The following ANKRD44 variants were observed in gnomAD, a reference collection of about 807,000 sequenced individuals.
ANKRD44 encodes ankyrin repeat domain 44.
Under a neutral mutation model 116.0 loss-of-function variants are expected in ANKRD44, and 35 were observed. The ratio of observed to expected loss-of-function variants is 0.30; its 90% CI spans 0.23 to 0.40. The LOEUF is 0.40. Among genes scored for constraint, ANKRD44 ranks in the 10% least tolerant of loss-of-function variants. The pLI, the probability that ANKRD44 is intolerant of heterozygous loss-of-function variation, is 1.00. For synonymous variants in ANKRD44, 435 were observed against 461.8 expected (o/e 0.94, Z 0.74); for missense variants, 1,014 against 1,242.6 (o/e 0.82, Z 2.77).
intron 2 of ANKRD44, among the ~76,000 whole-genome samples, chr2:197,169,542 C>A (rs1052069322): frequency 1.3e-5 from 2 of 152,172 alleles, no homozygotes; most frequent in African/African-American, 4.8e-5. Flanking sequence ...TACTATGTAG[C>A]AGTGGATTGT....
intron 1 of ANKRD44, among the ~76,000 whole-genome samples, chr2:197,309,571 T>C (rs2084177649): frequency 6.6e-6 from 1 of 152,158 alleles, no homozygotes; most frequent in Non-Finnish European, 1.5e-5. Flanking sequence ...AGGTATTTAA[T>C]ACCAAGGGCT....
chr2:197,117,326 G>A (rs181145782), intron 8 of ANKRD44, among the ~76,000 whole-genome samples: 79 of 152,142 alleles, frequency 5.2e-4, no homozygotes, highest in Middle Eastern at 3.4e-3. Context: ...TGCAACCTAC[G>A]CCTCTCAGAT....
intron 1 of ANKRD44, among the ~76,000 whole-genome samples, chr2:197,274,002 T>TAGATATAG (rs58538782): frequency 1.5e-5 from 1 of 64,920 alleles, no homozygotes; most frequent in Non-Finnish European, 2.7e-5. Flanking sequence ...TATATATATA[T>TAGATATAG]ATATATATAT....
rs185989945 is a variant in ANKRD44 at position 197,150,505 on chromosome 2, C to T, written c.112-3400G>A. ...CGGAGCTTGCAGTGAGCCAAGATCG[C>T]GCCACTGCACTCTAGCCTGGGTGAC... On this transcript the variant is annotated intron_variant, in intron 2 of 27. Coordinates refer to ENST00000282272, the MANE Select transcript of ANKRD44 (RefSeq NM_001195144.2). Among the ~76,000 whole-genome samples the T allele has an allele frequency of 1.6e-4, 24 of 151,896 alleles. No individual in the cohort carries two copies. In the South Asian group the frequency reaches 1.9e-3, roughly 12 times the overall value.
chr2:197,307,995 C>T, intron 1 of ANKRD44, among the ~76,000 whole-genome samples: 1 of 152,120 alleles, frequency 6.6e-6, no homozygotes, highest in Non-Finnish European at 1.5e-5. Flanking sequence ...CATGGCGAAA[C>T]TCTGTGTCTA....
chr2:196,999,986 G>A (rs1412572457), intron 23 of ANKRD44, among the ~76,000 whole-genome samples: 1 of 152,158 alleles, frequency 6.6e-6, no homozygotes, highest in Non-Finnish European at 1.5e-5. Context: ...GGCAGGATGA[G>A]CAAATTATAG....
At chr2:197,195,735 T>C (rs567026463) in intron 1 of ANKRD44, among the ~76,000 whole-genome samples, 2 of 152,370 alleles carry the variant, frequency 1.3e-5, no homozygotes, top group African/African-American at 4.8e-5. Context: ...CTCTGTTTTG[T>C]CAGACTTGTC....
chr2:197,298,335 A>T (rs2083786268), intron 1 of ANKRD44, among the ~76,000 whole-genome samples: 1 of 152,244 alleles, frequency 6.6e-6, no homozygotes, highest in Non-Finnish European at 1.5e-5. Context: ...AAAGCACACA[A>T]GATGGGATTC....
At chr2:197,205,208 C>T (rs906749193) in intron 1 of ANKRD44, among the ~76,000 whole-genome samples, 4 of 152,180 alleles carry the variant, frequency 2.6e-5, no homozygotes, top group Admixed American at 2.0e-4. Context: ...TGGGTATATA[C>T]CCAGTAATAG....
intron 2 of ANKRD44, among the ~76,000 whole-genome samples, chr2:197,173,370 G>C (rs2080288214): frequency 6.6e-6 from 1 of 152,124 alleles, no homozygotes; most frequent in African/African-American, 2.4e-5. Context: ...TCTTTTAATA[G>C]GAAGCTCACA....
intron 16 of ANKRD44, among the ~76,000 whole-genome samples, chr2:197,042,335 C>T (rs1367237282): frequency 6.6e-6 from 1 of 152,122 alleles, no homozygotes; most frequent in African/African-American, 2.4e-5. Flanking sequence ...CCCAGTCCTA[C>T]TCCTGTTACC....
intron 21 of ANKRD44, among the ~76,000 whole-genome samples, chr2:196,973,309 T>C: frequency 6.6e-6 from 1 of 152,132 alleles, no homozygotes; most frequent in Non-Finnish European, 1.5e-5. Flanking sequence ...CCTATCACTT[T>C]ATACAATCTC....
intron 16 of ANKRD44, among the ~76,000 whole-genome samples, chr2:197,058,379 C>T (rs115289117): frequency 0.018 from 2,646 of 146,862 alleles, 39 homozygotes; most frequent in Middle Eastern, 0.031. Context: ...GTGTTCTCCC[C>T]GCATTTAGGC....
chr2:197,043,229 A>G (rs2076943771), intron 16 of ANKRD44, among the ~76,000 whole-genome samples: 1 of 152,240 alleles, frequency 6.6e-6, no homozygotes, highest in South Asian at 2.1e-4. Flanking sequence ...AATCCCTAGT[A>G]ATGAAAGAAA....
At chr2:197,240,714 A>G (rs929880466) in intron 1 of ANKRD44, among the ~76,000 whole-genome samples, 1 of 147,604 alleles carries the variant, frequency 6.8e-6, no homozygotes, top group Admixed American at 6.9e-5. Context: ...TAGCCACAAC[A>G]TGTAAGATTT....
chr2:197,069,981 T>C (rs1338833731), intron 16 of ANKRD44, among the ~76,000 whole-genome samples: 2 of 152,134 alleles, frequency 1.3e-5, no homozygotes, highest in African/African-American at 2.4e-5. Context: ...CACAGAGTTA[T>C]TGACAGCAAT....
chr2:197,156,920 T>C (rs78827155), intron 2 of ANKRD44, among the ~76,000 whole-genome samples: 39 of 152,266 alleles, frequency 2.6e-4, no homozygotes, highest in East Asian at 9.6e-4. Flanking sequence ...AGAAAGCAGA[T>C]CAGCAGTTGC....
chr2:197,260,195 T>C (rs1366392482), intron 1 of ANKRD44, among the ~76,000 whole-genome samples: 1 of 151,862 alleles, frequency 6.6e-6, no homozygotes, highest in East Asian at 1.9e-4. Flanking sequence ...TAACTCGTCA[T>C]TTAGCATTAG....
chr2:197,155,681 C>T (rs1405836405), intron 2 of ANKRD44, among the ~76,000 whole-genome samples: 1 of 152,064 alleles, frequency 6.6e-6, no homozygotes, highest in African/African-American at 2.4e-5. Flanking sequence ...AAATGGATCA[C>T]AGAACTAAAT....
Sources: gnomAD v4.1 joint callset for allele counts (sites outside exome capture counted in the v4.1 genomes callset) on GRCh38, gnomAD v4.1.1 for gene constraint, MANE v1.5 for transcripts, NCBI Gene and HGNC (gene_info 2026-07-23, HGNC 2026-07-21) for gene names.